Variants in FARP2 observed in about 807,000 individuals in gnomAD.
The protein encoded by FARP2 is FERM, ARHGEF and pleckstrin domain-containing protein 2.
FARP2 carries 111 observed loss-of-function variants against 130.5 expected under a neutral mutation model. The observed-to-expected ratio is 0.85, with a 90% CI of 0.73 to 1.00. The LOEUF is 1.00. Among genes scored for constraint, FARP2 ranks in the 50% least tolerant of loss-of-function variants. The pLI, the probability that FARP2 is intolerant of heterozygous loss-of-function variation, is 0.00. For synonymous variants in FARP2, 504 were observed against 516.9 expected, an observed-to-expected ratio of 0.98 and a Z score of 0.34; for missense variants, 1,385 against 1,346.3, an observed-to-expected ratio of 1.03 and a Z score of -0.45.
chr2:241,402,865 T>C (rs1315133898), intron 2 of FARP2, among the ~76,000 whole-genome samples: 1 of 16,478 alleles, frequency 6.1e-5, no homozygotes, highest in Non-Finnish European at 1.3e-4. Context: ...TATATATATA[T>C]ATATATATAT....
At position 241,482,043 on chromosome 2, in the gene FARP2, G is replaced by A. The variant is rs928047294; in HGVS notation, c.2263-1422G>A. Among the ~76,000 whole-genome samples, 11 of 152,204 alleles carry A rather than the reference G, an allele frequency of 7.2e-5. No individual in the cohort carries two copies. Among genetic ancestry groups the A allele is most frequent in the African/African-American group, 2.7e-4 (11 of 41,440 alleles). On this transcript the variant is annotated intron_variant, in intron 19 of 26. Coordinates refer to ENST00000264042, the MANE Select transcript of FARP2 (RefSeq NM_014808.4). This position sits in a 1 kb window ranked among gnomAD's most constrained non-coding sequence, Gnocchi z 4.6. ...TTTCTTGTCTTCCTGAGTTAAATAT[G>A]TGTGTCAGTCAACAGACAGAAACCA...
chr2:241,368,814 T>G (rs1456146529), intron 1 of FARP2, among the ~76,000 whole-genome samples: 1 of 152,150 alleles, frequency 6.6e-6, no homozygotes, highest in Non-Finnish European at 1.5e-5. Context: ...AGTAATAAAC[T>G]TAAAGTCTTA....
intron 2 of FARP2, among the ~76,000 whole-genome samples, chr2:241,385,862 A>G (rs2061771898): frequency 6.6e-6 from 1 of 152,202 alleles, no homozygotes; most frequent in African/African-American, 2.4e-5. Context: ...CACACACCCC[A>G]TCTATATCAC....
chr2:241,375,890 C>T (rs1399610487), intron 2 of FARP2, among the ~76,000 whole-genome samples: 1 of 152,032 alleles, frequency 6.6e-6, no homozygotes, highest in East Asian at 1.9e-4. Flanking sequence ...ACTGTGCCAG[C>T]TTGGGGTATT....
At position 241,413,304 on chromosome 2, in the gene FARP2, C is replaced by T; in HGVS notation, c.509-3C>T. The T allele has an allele frequency of 6.3e-7, 1 of 1,589,506 alleles. No homozygotes were observed. Among genetic ancestry groups the T allele is most frequent in the Admixed American group, 1.7e-5 (1 of 58,018 alleles). On this transcript the variant is annotated splice_region_variant and splice_polypyrimidine_tract_variant and intron_variant, in intron 6 of 26. Transcript: ENST00000264042. ...TTAGTTACTTACTTTTAACCTATCTCAGCGGAAATAGGAGATTACGATGAA... is the reference window on the plus strand; with the variant it reads ...TTAGTTACTTACTTTTAACCTATCTTAGCGGAAATAGGAGATTACGATGAA...
chr2:241,474,416 G>T (rs2064401995), intron 18 of FARP2, among the ~76,000 whole-genome samples: 2 of 149,802 alleles, frequency 1.3e-5, no homozygotes, highest in Admixed American at 1.3e-4. Context: ...GCTGAGCACT[G>T]GGCAGTGCTG....
At position 241,404,834 on chromosome 2, in the gene FARP2, A is replaced by C. The variant is rs2062289781; in HGVS notation, c.324A>C (p.Gln108His). The change falls in exon 4 of 27, where the codon CAA becomes CAC. Residue 108 changes from glutamine (Q) to histidine (H), a missense_variant. Coordinates refer to ENST00000264042, the MANE Select transcript of FARP2 (RefSeq NM_014808.4). Reference protein sequence around the residue: ...WLEPMKPIIRQIRRPKNVVLR... With the variant: ...WLEPMKPIIRHIRRPKNVVLR... ...AACCTATGAAACCCATCATTAGGCAAATACGAAGTAAGTCCTTGGTTTGAC... is the reference window on the plus strand; with the variant it reads ...AACCTATGAAACCCATCATTAGGCACATACGAAGTAAGTCCTTGGTTTGAC... 6.2e-7 allele frequency: 1 copy of C among 1,609,272 alleles called. No homozygotes were observed. Among genetic ancestry groups the C allele is most frequent in the East Asian group, 2.2e-5 (1 of 44,800 alleles).
chr2:241,456,854 C>G lies in FARP2; in HGVS notation c.1519C>G (p.Pro507Ala). The G allele has an allele frequency of 6.2e-7, 1 of 1,613,934 alleles. No homozygotes were observed. The highest frequency in any genetic ancestry group is 8.5e-7 in the Non-Finnish European group (1 of 1,179,928). Residue 507 changes from proline (P) to alanine (A), a missense_variant, in exon 14 of 27, where the codon CCA becomes GCA. Physicochemically the swap from Pro to Ala is conservative, Grantham distance 27 (BLOSUM62 -1). Coordinates refer to ENST00000264042, the MANE Select transcript of FARP2 (RefSeq NM_014808.4). ...PLGPAEQGSSPLLSPVLSDAG... is the reference protein window; with the variant it reads ...PLGPAEQGSSALLSPVLSDAG... ...GGGCCCAGCTGAACAGGGCTCATCCCCACTCCTGAGCCCTGTCCTCAGTGA... is the reference window on the plus strand; with the variant it reads ...GGGCCCAGCTGAACAGGGCTCATCCGCACTCCTGAGCCCTGTCCTCAGTGA...
In FARP2 at chr2:241,361,272, A is replaced by G. The variant is rs556376084; in HGVS notation, c.-25+4884A>G. Among the ~76,000 whole-genome samples, 119 of 152,298 alleles carry G rather than the reference A, an allele frequency of 7.8e-4. 1 individual carries two copies. The highest frequency in any genetic ancestry group is 2.5e-3 in the African/African-American group (104 of 41,554). On this transcript the variant is annotated intron_variant, in intron 1 of 26. Coordinates refer to ENST00000264042, the MANE Select transcript of FARP2 (RefSeq NM_014808.4). Reference sequence around the variant, plus strand: ...ATCCCTGGCCCTTCACCTTTATTTCATAAAAGCCCTGGTGAACCAGCACAG... The same window carrying G: ...ATCCCTGGCCCTTCACCTTTATTTCGTAAAAGCCCTGGTGAACCAGCACAG...
Position 241,373,128 on chromosome 2 carries a change from A to C in FARP2, c.21A>C (p.Thr7=), listed in dbSNP as rs139981990. The C allele has an allele frequency of 2.2e-3, 3,250 of 1,445,912 alleles. 12 individuals are homozygous for C. Among genetic ancestry groups the C allele is most frequent in the South Asian group, 2.9e-3 (199 of 68,204 alleles). The allele number at this position is 1,445,912 out of a possible 1,614,324, so 89.6% of individuals were successfully genotyped here. A position where few individuals can be genotyped will look rare whatever the true frequency, so the allele number is the denominator to read the frequency against. The change falls in exon 2 of 27, where the codon ACA becomes ACC. Residue 7 remains threonine, a synonymous_variant. Transcript: ENST00000264042. ...GAAGAATGGGGGAGATAGAAGGAAC[A>C]TACAGAGTCCTGCAGACTGCAGGGA... is the stretch of plus-strand genomic sequence containing the variant. MGEIEG[T]YRVLQTAGMR... is the part of the protein sequence containing the mutation.
chr2:241,421,959 C>T (rs757210771), intron 8 of FARP2, among the ~76,000 whole-genome samples: 7 of 150,780 alleles, frequency 4.6e-5, no homozygotes, highest in Non-Finnish European at 1.0e-4. Flanking sequence ...GCCTGGACAA[C>T]ATGTTGAAAC....
At chr2:241,425,634 TAAAAAA>T (rs1167925220) in intron 8 of FARP2, among the ~76,000 whole-genome samples, 4 of 45,980 alleles carry the variant, frequency 8.7e-5, no homozygotes, top group Admixed American at 2.5e-4. Flanking sequence ...TCCTACCAAG[TAAAAAA>T]AAAAAAAAAA....
At chr2:241,419,615 A>G (rs565105668) in intron 8 of FARP2, among the ~76,000 whole-genome samples, 1 of 152,324 alleles carries the variant, frequency 6.6e-6, no homozygotes, top group Non-Finnish European at 1.5e-5. Flanking sequence ...GAAGCTGGGA[A>G]ATGAAACAGG....
intron 7 of FARP2, among the ~76,000 whole-genome samples, chr2:241,417,093 G>A (rs566183659): frequency 5.3e-5 from 8 of 152,224 alleles, no homozygotes; most frequent in Middle Eastern, 6.8e-3. Flanking sequence ...CTGAGGTCAG[G>A]AGTTTGAGAC....
At chr2:241,456,566 T>A (rs1235337294) in intron 13 of FARP2, 181 bp from the exon 14 acceptor site, 1 of 630,856 alleles carries the variant, frequency 1.6e-6, no homozygotes, top group Admixed American at 2.9e-5. Flanking sequence ...CAACCCTCAT[T>A]TTCATTTTAT....
In FARP2 at chr2:241,484,280, A is replaced by C. The variant is rs772494545; in HGVS notation, c.2370A>C (p.Ala790=). The C allele has an allele frequency of 3.7e-6, 6 of 1,614,026 alleles. No individual in the cohort carries two copies. The African/African-American group carries it at 5.3e-5, about 14-fold the overall frequency. The change falls in exon 21 of 27, where the codon GCA becomes GCC. Residue 790 remains alanine (A), a synonymous_variant. Coordinates refer to ENST00000264042, the MANE Select transcript of FARP2 (RefSeq NM_014808.4). ...DMLLYTSKGV[A]GTSHFRIRGL... ...TGCTGTACACAAGCAAAGGAGTTGC[A>C]GGGACCAGCCACTTCCGGATCCGGG... is the stretch of plus-strand genomic sequence containing the variant.
chr2:241,466,651 G>GGCA (rs2064177635), intron 17 of FARP2: 1 of 949,292 alleles, frequency 1.1e-6, no homozygotes, highest in African/African-American at 2.2e-5. Context: ...CTCACCCCCA[G>GGCA]GCAGCGGGCC....
intron 19 of FARP2, among the ~76,000 whole-genome samples, chr2:241,480,747 TTC>T (rs2064593114): frequency 6.6e-6 from 1 of 152,152 alleles, no homozygotes. Context: ...AGATTTACCC[TTC>T]TGTTTCTTTT....
At chr2:241,402,853 TATATATATATATATATATATATA>T (rs2062212765) in intron 2 of FARP2, among the ~76,000 whole-genome samples, 1 of 10,562 alleles carries the variant, frequency 9.5e-5, no homozygotes, top group Non-Finnish European at 2.4e-4. Context: ...TATATATATA[TATATATATATATATATATATATA>T]TATATTTTTT....
Sources: gnomAD v4.1 joint callset for allele counts (sites outside exome capture counted in the v4.1 genomes callset) on GRCh38, gnomAD v4.1.1 for gene constraint, Gnocchi (gnomAD v3.1) non-coding constraint, MANE v1.5 for transcripts, NCBI Gene and HGNC (gene_info 2026-07-23, HGNC 2026-07-21) for gene names.